NBAS: variants seen among roughly 807,000 people sequenced by gnomAD.
NBAS encodes NBAS subunit of NRZ tethering complex.
In NBAS, 219 loss-of-function variants were observed where a neutral mutation model predicts 302.5. The ratio of observed to expected loss-of-function variants is 0.72; its 90% CI spans 0.65 to 0.81. NBAS has a LOEUF of 0.81. Among genes scored for constraint, NBAS ranks in the 30% least tolerant of loss-of-function variants. NBAS has a pLI of 0.00. For synonymous variants in NBAS, 1,118 were observed against 1,021.6 expected, an observed-to-expected ratio of 1.09 and a Z score of -1.80; for missense variants, 2,932 against 2,841.6, an observed-to-expected ratio of 1.03 and a Z score of -0.72.
intron 38 of NBAS, among the ~76,000 whole-genome samples, chr2:15,316,728 G>C (rs1249313945): frequency 1.3e-5 from 2 of 152,294 alleles, no homozygotes; most frequent in East Asian, 3.9e-4. Flanking sequence ...CAGGAAGCGC[G>C]AAGTGGGAGG....
intron 23 of NBAS, among the ~76,000 whole-genome samples, chr2:15,418,045 A>G (rs1365839537): frequency 6.6e-6 from 1 of 152,204 alleles, no homozygotes; most frequent in Non-Finnish European, 1.5e-5. Flanking sequence ...AATAAGAGAA[A>G]AAACACATAC....
At chr2:15,216,201 TG>T (rs1654133629) in intron 48 of NBAS, among the ~76,000 whole-genome samples, 1 of 152,340 alleles carries the variant, frequency 6.6e-6, no homozygotes, top group East Asian at 1.9e-4. Context: ...TAAGCCAGTG[TG>T]GCTTTCTTAT....
At chr2:15,310,719 G>A (rs1308574032) in intron 38 of NBAS, among the ~76,000 whole-genome samples, 1 of 152,146 alleles carries the variant, frequency 6.6e-6, no homozygotes, top group Non-Finnish European at 1.5e-5. Context: ...CGAAACCTGG[G>A]CCCTCACCCA....
chr2:15,374,794 TAAC>T, intron 30 of NBAS, 74 bp from the exon 31 acceptor site: 1 of 1,228,426 alleles, frequency 8.1e-7, no homozygotes, highest in South Asian at 1.2e-5. Flanking sequence ...CCATGAGATC[TAAC>T]ACATATTTAT....
At chr2:15,397,341 G>A (rs1357373954) in intron 26 of NBAS, 1 of 235,062 alleles carries the variant, frequency 4.3e-6, no homozygotes, top group Non-Finnish European at 8.1e-6. Context: ...AAGATCTTAT[G>A]GTTTTATTTA....
intron 44 of NBAS, among the ~76,000 whole-genome samples, chr2:15,256,505 T>C (rs1194481864): frequency 6.6e-6 from 1 of 152,220 alleles, no homozygotes; most frequent in Admixed American, 6.5e-5. Context: ...AGTGGCTGTT[T>C]GACTTCTTCT....
intron 46 of NBAS, among the ~76,000 whole-genome samples, chr2:15,233,329 G>C (rs1341808414): frequency 6.6e-6 from 1 of 152,146 alleles, no homozygotes; most frequent in Non-Finnish European, 1.5e-5. Context: ...CAAATCTTTA[G>C]TGGTAGAATT....
At chr2:15,471,015 G>T (rs1376510389) in intron 16 of NBAS, among the ~76,000 whole-genome samples, 2 of 152,048 alleles carry the variant, frequency 1.3e-5, no homozygotes, top group African/African-American at 4.8e-5. Flanking sequence ...CCACATTTAT[G>T]CCTGTCCTGT....
Position 15,190,285 on chromosome 2 carries a change from G to T in NBAS, c.6551C>A (p.Pro2184Gln), listed in dbSNP as rs1316290050. Residue 2184 changes from proline (P) to glutamine (Q), a missense_variant, in exon 49 of 52, where the codon CCA becomes CAA. Physicochemically the swap from Pro to Gln is moderately conservative, Grantham distance 76. Coordinates refer to ENST00000281513, the MANE Select transcript of NBAS (RefSeq NM_015909.4). ...TTACACATATTCACTTTTCATAGGT[G>T]GCCAAGCTTGCAAAAGTAAAACCAA... ...QHLVLLLQAW[P>Q]PMKSEYVITN... The T allele has an allele frequency of 1.2e-6, 2 of 1,613,708 alleles. No homozygotes were observed. Among genetic ancestry groups the T allele is most frequent in the East Asian group, 4.5e-5 (2 of 44,874 alleles).
At chr2:15,274,981 C>G (rs904659114) in intron 44 of NBAS, among the ~76,000 whole-genome samples, 2 of 151,064 alleles carry the variant, frequency 1.3e-5, no homozygotes, top group Non-Finnish European at 2.9e-5. Context: ...TGGGATTTCA[C>G]CATATTGGCC....
At position 15,201,603 on chromosome 2, in the gene NBAS, T is replaced by C. The variant is rs533086349; in HGVS notation, c.6433-11200A>G. On this transcript the variant is annotated intron_variant, in intron 48 of 51. Coordinates refer to ENST00000281513, the MANE Select transcript of NBAS (RefSeq NM_015909.4). ...TTTTTATTAATTATAGTCTGAATTA[T>C]TGCTATTAGATAAGAAAATATAAAT... Among the ~76,000 whole-genome samples the C allele has an allele frequency of 9.8e-5, 15 of 152,334 alleles. No homozygotes were observed. The East Asian group carries it at 2.7e-3, about 27-fold the overall frequency.
At chr2:15,453,042 G>T (rs1237179713) in intron 21 of NBAS, among the ~76,000 whole-genome samples, 2 of 152,196 alleles carry the variant, frequency 1.3e-5, no homozygotes, top group African/African-American at 4.8e-5. Context: ...AGAAGGGTGA[G>T]TGACCCTCCA....
chr2:15,451,073 A>C (rs1338217295), intron 21 of NBAS, among the ~76,000 whole-genome samples: 1 of 152,026 alleles, frequency 6.6e-6, no homozygotes, highest in Non-Finnish European at 1.5e-5. Flanking sequence ...TATTTATTTG[A>C]CAGAGTCTTG....
At chr2:14,848,645 T>C in the NBAS span, among the ~76,000 whole-genome samples, 1,298 of 121,770 alleles carry the variant, frequency 0.011, 18 homozygotes, top group African/African-American at 0.041. Flanking sequence ...AACAAAAAGA[T>C]AGCAGTAACC....
At chr2:15,034,654 T>C in the NBAS span, among the ~76,000 whole-genome samples, 12 of 152,216 alleles carry the variant, frequency 7.9e-5, no homozygotes, top group Non-Finnish European at 1.5e-5. Flanking sequence ...AATCAGAGTA[T>C]GAACTCTTAA....
rs1672143123 is a variant in NBAS, at chr2:15,327,833, A to G, written c.4499T>C (p.Val1500Ala). The G allele has an allele frequency of 9.3e-6, 15 of 1,613,276 alleles. No individual in the cohort carries two copies. Among genetic ancestry groups the G allele is most frequent in the Non-Finnish European group, 1.3e-5 (15 of 1,179,722 alleles). The change falls in exon 38 of 52, where the codon GTG becomes GCG. Residue 1500 changes from valine to alanine, a missense_variant. Physicochemically the swap from Val to Ala is moderately conservative, Grantham distance 64. Transcript: ENST00000281513. ...CAGCAATACTTCTGCAAAGCTTTCCACTGGAACATGCTGATAGGTGTCATA... is the reference window on the plus strand; with the variant it reads ...CAGCAATACTTCTGCAAAGCTTTCCGCTGGAACATGCTGATAGGTGTCATA... The part of the protein sequence containing the change: ...GTYDTYQHVP[V>A]ESFAEVLLRT...
intron 44 of NBAS, among the ~76,000 whole-genome samples, chr2:15,259,171 G>A (rs938916868): frequency 6.6e-6 from 1 of 152,108 alleles, no homozygotes; most frequent in Non-Finnish European, 1.5e-5. Context: ...AAACCCTAGA[G>A]TCACAAGACA....
intron 12 of NBAS, among the ~76,000 whole-genome samples, chr2:15,484,258 A>G (rs1680539016): frequency 1.3e-5 from 2 of 152,306 alleles, no homozygotes; most frequent in South Asian, 4.1e-4. Flanking sequence ...CATTAATATC[A>G]TATGCTAGTC....
the NBAS span, among the ~76,000 whole-genome samples, chr2:14,959,175 C>A: frequency 6.6e-6 from 1 of 152,220 alleles, no homozygotes; most frequent in African/African-American, 2.4e-5. Context: ...CTCAATGAAA[C>A]TGTTCCCTCA....
Sources: gnomAD v4.1 joint callset for allele counts (sites outside exome capture counted in the v4.1 genomes callset) on GRCh38, gnomAD v4.1.1 for gene constraint, MANE v1.5 for transcripts, NCBI Gene and HGNC (gene_info 2026-07-23, HGNC 2026-07-21) for gene names.